Variants in MTUS2 observed in about 807,000 individuals in gnomAD.
MTUS2 encodes microtubule-associated tumor suppressor candidate 2.
Under a neutral mutation model 114.1 loss-of-function variants are expected in MTUS2, and 40 were observed. That is an observed-to-expected ratio of 0.35 (90% CI 0.27 to 0.46). The LOEUF is 0.46. MTUS2 is among the 20% of genes least tolerant of loss of function. The pLI, the probability that MTUS2 is intolerant of heterozygous loss-of-function variation, is 1.00. For missense variants in MTUS2, 1,679 were observed against 1,705.4 expected (o/e 0.98, Z 0.27); for synonymous variants, 688 against 672.0 (o/e 1.02, Z -0.37).
At chr13:28,876,966 G>T (rs1305497928) in intron 2 of MTUS2, among the ~76,000 whole-genome samples, 2 of 151,842 alleles carry the variant, frequency 1.3e-5, no homozygotes, top group African/African-American at 4.8e-5. Context: ...TTTATACGTT[G>T]CTTATTGTCT....
At position 29,480,065 on chromosome 13, in the gene MTUS2, C is replaced by A; in HGVS notation, c.3185-85C>A. The stretch of plus-strand genomic sequence containing the variant: ...ACCTCGCCCTGTTTATTACGCCAGC[C>A]TTGATGATCTGACCATGGAGGCTGA... On this transcript the variant is annotated intron_variant, in intron 9 of 15. Transcript: ENST00000612955. The surrounding 1 kb of genome is among the most constrained non-coding windows in gnomAD (Gnocchi z 4.4). The A allele has an allele frequency of 7.2e-7, 1 of 1,380,632 alleles. No individual in the cohort carries two copies. The highest frequency in any genetic ancestry group is 1.0e-6 in the Non-Finnish European group (1 of 1,004,228). The allele number at this position is 1,380,632 out of a possible 1,614,324, so 85.5% of individuals were successfully genotyped here.
chr13:29,104,576 G>A (rs1402740379), intron 5 of MTUS2, among the ~76,000 whole-genome samples: 1 of 152,162 alleles, frequency 6.6e-6, no homozygotes, highest in African/African-American at 2.4e-5. Context: ...CTCTCTATGA[G>A]TTCAGATTGC....
intron 8 of MTUS2, among the ~76,000 whole-genome samples, chr13:29,427,717 C>T (rs1219633970): frequency 6.6e-6 from 1 of 152,132 alleles, no homozygotes; most frequent in Non-Finnish European, 1.5e-5. Flanking sequence ...TTAGTAAAAT[C>T]ATCTAGTTCT....
chr13:29,106,557 A>G (rs964571840), intron 5 of MTUS2, among the ~76,000 whole-genome samples: 3 of 152,124 alleles, frequency 2.0e-5, no homozygotes, highest in African/African-American at 7.2e-5. Flanking sequence ...GGGTTTCACC[A>G]TCTTGGCCAG....
chr13:28,907,915 A>G lies in MTUS2; in HGVS notation c.-243+68065A>G, dbSNP rs1033704091. Among the ~76,000 whole-genome samples, 108 of 151,476 alleles carry G rather than the reference A, an allele frequency of 7.1e-4. 7 individuals are homozygous for G. The highest frequency in any genetic ancestry group is 1.6e-4 in the Non-Finnish European group (11 of 67,886). ...ATTGTGTCACTTCCTTCTGGTCTCC[A>G]TGGTTTCAGGTGAGTAATCTGAATT... On this transcript the variant is annotated intron_variant, in intron 2 of 15. Transcript: ENST00000612955.
chr13:28,969,926 G>A (rs1044373317), intron 2 of MTUS2, among the ~76,000 whole-genome samples: 7 of 152,176 alleles, frequency 4.6e-5, no homozygotes, highest in African/African-American at 9.7e-5. Context: ...GATTATAGGC[G>A]CCTGCCAGCA....
At chr13:29,472,312 G>A (rs193140929) in intron 9 of MTUS2, among the ~76,000 whole-genome samples, 8 of 152,210 alleles carry the variant, frequency 5.3e-5, no homozygotes, top group Non-Finnish European at 8.8e-5. Context: ...GTGAGCCACC[G>A]TGCCCAGCCA....
chr13:29,448,435 G>A (rs1411854365), intron 9 of MTUS2, among the ~76,000 whole-genome samples: 1 of 152,184 alleles, frequency 6.6e-6, no homozygotes, highest in African/African-American at 2.4e-5. Flanking sequence ...TCATTGGCCA[G>A]AACTAAGTCA....
Position 29,313,932 on chromosome 13 carries a change from T to G in MTUS2, c.2807-10681T>G, listed in dbSNP as rs113253099. Among the ~76,000 whole-genome samples the G allele has an allele frequency of 6.2e-3, 948 of 152,280 alleles. 13 individuals are homozygous for G. Among genetic ancestry groups the G allele is most frequent in the African/African-American group, 0.022 (904 of 41,558 alleles). On this transcript the variant is annotated intron_variant, in intron 6 of 15. Coordinates refer to ENST00000612955, the MANE Select transcript of MTUS2 (RefSeq NM_001033602.4). The stretch of plus-strand genomic sequence containing the variant: ...GCATTTCTGGGGGAAATGACTGCCA[T>G]GTGCCACGTTAAAATTCCACACTCA...
intron 7 of MTUS2, among the ~76,000 whole-genome samples, chr13:29,342,982 A>G (rs532767485): frequency 6.6e-6 from 1 of 152,242 alleles, no homozygotes; most frequent in South Asian, 2.1e-4. Context: ...CATATGTTCA[A>G]CCATCCCTGC....
chr13:29,173,251 G>A (rs553660281), intron 5 of MTUS2, among the ~76,000 whole-genome samples: 1 of 152,228 alleles, frequency 6.6e-6, no homozygotes, highest in Non-Finnish European at 1.5e-5. Context: ...GAGAAATTGA[G>A]AAGGGATGCT....
chr13:28,958,358 T>G (rs1566251963), intron 2 of MTUS2, among the ~76,000 whole-genome samples: 2 of 152,334 alleles, frequency 1.3e-5, no homozygotes, highest in East Asian at 3.9e-4. Flanking sequence ...AATGAATCTA[T>G]AAGTACGGTG....
intron 5 of MTUS2, chr13:29,240,073 A>T (rs1896678203): frequency 6.6e-6 from 1 of 152,190 alleles, no homozygotes; most frequent in African/African-American, 2.4e-5. Flanking sequence ...TAGGGTGAAG[A>T]ACTGCTGAAG....
chr13:29,115,580 G>T (rs1891054643), intron 5 of MTUS2, among the ~76,000 whole-genome samples: 1 of 152,162 alleles, frequency 6.6e-6, no homozygotes, highest in South Asian at 2.1e-4. Context: ...AAAGATAACT[G>T]ATTTAAATAT....
Position 29,442,415 on chromosome 13 carries a change from A to G in MTUS2, c.3184+2366A>G, listed in dbSNP as rs574065926. Among the ~76,000 whole-genome samples the G allele has an allele frequency of 3.9e-5, 6 of 152,324 alleles. No homozygotes were observed. In the South Asian group the frequency reaches 8.3e-4, roughly 21 times the overall value. Reference sequence around the variant, plus strand: ...TTTGTTTTATTCTTAAGGAACCACAATGACTTGCTTGTGATTGGGCCCCAC... The same window carrying G: ...TTTGTTTTATTCTTAAGGAACCACAGTGACTTGCTTGTGATTGGGCCCCAC... On this transcript the variant is annotated intron_variant, in intron 9 of 15. Coordinates refer to ENST00000612955, the MANE Select transcript of MTUS2 (RefSeq NM_001033602.4).
rs74041735 is a variant in MTUS2 at position 29,111,442 on chromosome 13, A to G, written c.2644+10472A>G. Reference sequence around the variant, plus strand: ...CTTGGATTATTAGTCCAGTACCAGAACAAAGATGAGGAGATGCAAGGAGGT... The same window carrying G: ...CTTGGATTATTAGTCCAGTACCAGAGCAAAGATGAGGAGATGCAAGGAGGT... On this transcript the variant is annotated intron_variant, in intron 5 of 15. Coordinates refer to ENST00000612955, the MANE Select transcript of MTUS2 (RefSeq NM_001033602.4). Among the ~76,000 whole-genome samples the G allele has an allele frequency of 5.0e-3, 764 of 152,340 alleles. 7 individuals carry two copies. Among genetic ancestry groups the G allele is most frequent in the African/African-American group, 0.017 (723 of 41,574 alleles).
At chr13:29,427,699 CAGTT>C in intron 8 of MTUS2, among the ~76,000 whole-genome samples, 1 of 152,178 alleles carries the variant, frequency 6.6e-6, no homozygotes, top group Non-Finnish European at 1.5e-5. Flanking sequence ...TGGAAAATCT[CAGTT>C]AAGTTAGTAA....
Position 29,116,739 on chromosome 13 carries a change from A to C in MTUS2, c.2644+15769A>C, listed in dbSNP as rs971228832. Among the ~76,000 whole-genome samples the C allele has an allele frequency of 3.3e-5, 5 of 152,314 alleles. No individual in the cohort carries two copies. In the South Asian group the frequency reaches 8.3e-4, roughly 25 times the overall value. The stretch of plus-strand genomic sequence containing the variant: ...CATCTGATCACTGAGATGGCTATTA[A>C]GTGACTCAGGGTAGGTAGGCAGGGC... On this transcript the variant is annotated intron_variant, in intron 5 of 15. Transcript: ENST00000612955.
chr13:29,314,300 G>A (rs1899895856), intron 6 of MTUS2, among the ~76,000 whole-genome samples: 1 of 152,212 alleles, frequency 6.6e-6, no homozygotes, highest in South Asian at 2.1e-4. Flanking sequence ...GTTATATGCT[G>A]ATGGAGAACT....
Sources: gnomAD v4.1 joint callset for allele counts (sites outside exome capture counted in the v4.1 genomes callset) on GRCh38, gnomAD v4.1.1 for gene constraint, Gnocchi (gnomAD v3.1) non-coding constraint, MANE v1.5 for transcripts, NCBI Gene and HGNC (gene_info 2026-07-23, HGNC 2026-07-21) for gene names.